Variants in ABI3 observed in about 807,000 individuals in gnomAD.
The protein encoded by ABI3 is ABI family member 3, also known as ABI gene family member 3.
A neutral mutation model predicts 37.0 loss-of-function variants in ABI3; 24 were observed. The observed-to-expected ratio is 0.65, with a 90% confidence interval of 0.47 to 0.91. The LOEUF is 0.91. Among genes scored for constraint, ABI3 ranks in the 40% least tolerant of loss-of-function variants. The pLI is 0.00. For missense variants in ABI3, 481 were observed against 485.1 expected (o/e 0.99, Z 0.08); for synonymous variants, 220 against 211.8 (o/e 1.04, Z -0.34).
At position 49,219,752 on chromosome 17, in the gene ABI3, C is replaced by A. The variant is rs932885669; in HGVS notation, c.549-106C>A. 2.1e-6 allele frequency: 3 copies of A among 1,413,790 alleles called. No homozygotes were observed. The highest frequency in any genetic ancestry group is 1.4e-5 in the African/African-American group (1 of 70,448). 87.6% of individuals were successfully genotyped at this position (1,413,790 alleles called of 1,614,324 possible). ...TCAGGCCGTCATGCTGGATGCCTGG[C>A]GCCAAACCTCCCCCTCGGCCACCTG... On this transcript the variant is annotated intron_variant, in intron 4 of 7. Coordinates refer to ENST00000225941, the MANE Select transcript of ABI3 (RefSeq NM_016428.3). This position sits in a 1 kb window ranked among gnomAD's most constrained non-coding sequence, Gnocchi z 4.3.
At chr17:49,220,434 C>T (rs767346390) in intron 6 of ABI3, 108 bp downstream of exon 6, 27 of 1,400,620 alleles carry the variant, frequency 1.9e-5, no homozygotes, top group Middle Eastern at 2.5e-4. Flanking sequence ...CAGTGAATGC[C>T]TCCTCCAAGG....
intron 1 of ABI3, among the ~76,000 whole-genome samples, chr17:49,212,639 C>A (rs975427362): frequency 6.6e-6 from 1 of 152,148 alleles, no homozygotes; most frequent in Admixed American, 6.5e-5. Flanking sequence ...TGAGGCGAGT[C>A]CCATGCCCAC....
At chr17:49,211,949 C>CT (rs35385458) in intron 1 of ABI3, among the ~76,000 whole-genome samples, 64,350 of 143,618 alleles carry the variant, frequency 0.45, 15,107 homozygotes, top group East Asian at 0.68. Context: ...CCCAGCCAGC[C>CT]TTTTTTTTTT....
intron 1 of ABI3, among the ~76,000 whole-genome samples, 168 bp from the exon 2 acceptor site, chr17:49,216,363 G>A (rs376966834): frequency 6.6e-6 from 1 of 152,058 alleles, no homozygotes. Context: ...GTTGTAGCAA[G>A]TTCCTCTTGC....
chr17:49,215,474 C>A (rs2043209760), intron 1 of ABI3, among the ~76,000 whole-genome samples: 1 of 149,518 alleles, frequency 6.7e-6, no homozygotes, highest in Non-Finnish European at 1.5e-5. Flanking sequence ...CAGACTGGAG[C>A]TAAACAGTCA....
At chr17:49,220,573 GGTGGCTCACCCCT>G (rs1252849598) in intron 6 of ABI3, among the ~76,000 whole-genome samples, 4 of 152,158 alleles carry the variant, frequency 2.6e-5, no homozygotes, top group Non-Finnish European at 4.4e-5. Context: ...GGCCGGGCGC[GGTGGCTCACCCCT>G]GTAATCCCAG....
In ABI3 at chr17:49,219,613, C is replaced by T. The variant is rs1357338474; in HGVS notation, c.536C>T (p.Ser179Phe). 6.2e-7 allele frequency: 1 copy of T among 1,605,896 alleles called. No individual in the cohort carries two copies. Residue 179 changes from serine (S) to phenylalanine (F), a missense_variant, in exon 4 of 8, where the codon TCC becomes TTC. Transcript: ENST00000225941. The surrounding 1 kb of genome is among the most constrained non-coding windows in gnomAD (Gnocchi z 4.3). ...ATCAAGGCCCCTGCCACACCCGCCT[C>T]CGCCACCTTGGGGTGAGGCCTCGCC... Reference protein sequence around the residue: ...KSIKAPATPASATLGRPPRIP... With the variant: ...KSIKAPATPAFATLGRPPRIP...
At chr17:49,220,416 G>C in intron 6 of ABI3, 90 bp downstream of exon 6, 1 of 1,466,796 alleles carries the variant, frequency 6.8e-7, no homozygotes, top group Non-Finnish European at 9.1e-7. Flanking sequence ...ATCTGCCCCG[G>C]CCAGCCTCAG....
rs553060450 is a variant in ABI3 at position 49,216,633 on chromosome 17, C to T, written c.220C>T (p.Arg74Cys). The T allele has an allele frequency of 1.6e-5, 26 of 1,611,466 alleles. No individual in the cohort carries two copies. Among genetic ancestry groups the T allele is most frequent in the South Asian group, 6.6e-5 (6 of 90,572 alleles). ...GGGCAACCTGGCCGGGCACACTCTG[C>T]GCATGTTGGACCTGCAGGGGGCCGC... The part of the protein sequence containing the change: ...QVGNLAGHTL[R>C]MLDLQGAALR... Residue 74 changes from arginine (R) to cysteine (C), a missense_variant, in exon 2 of 8, where the codon CGC becomes TGC. Arg to Cys is a radical substitution (Grantham distance 180). Transcript: ENST00000225941.
In ABI3 at chr17:49,222,550, A is replaced by C; in HGVS notation, c.938-2A>C. 6.2e-7 allele frequency: 1 copy of C among 1,613,702 alleles called. No homozygotes were observed. The highest frequency in any genetic ancestry group is 8.5e-7 in the Non-Finnish European group (1 of 1,179,886). On this transcript the variant is annotated splice_acceptor_variant, in intron 7 of 7. Coordinates refer to ENST00000225941, the MANE Select transcript of ABI3 (RefSeq NM_016428.3). LOFTEE classifies it high-confidence loss of function. ...ACGGCACCCTCTTCTCTTGCCCTGCAGTGGTGACACTGTACCCATACACCA... is the reference window on the plus strand; with the variant it reads ...ACGGCACCCTCTTCTCTTGCCCTGCCGTGGTGACACTGTACCCATACACCA...
At chr17:49,222,508 G>A (rs370947412) in intron 7 of ABI3, 44 bp from the exon 8 acceptor site, 2 of 1,601,994 alleles carry the variant, frequency 1.2e-6, no homozygotes, top group Non-Finnish European at 1.7e-6. Flanking sequence ...GGGGGAGAGG[G>A]CAAGAGGCAT....
At chr17:49,220,010 G>A (rs2043265406) in intron 5 of ABI3, 57 bp downstream of exon 5, 2 of 1,528,314 alleles carry the variant, frequency 1.3e-6, no homozygotes, top group Middle Eastern at 1.8e-4. Context: ...TTTTGAGAGG[G>A]GCCACCTGCC....
At chr17:49,217,166 C>T (rs761112640) in intron 2 of ABI3, among the ~76,000 whole-genome samples, 17 of 152,052 alleles carry the variant, frequency 1.1e-4, no homozygotes, top group South Asian at 4.2e-4. Flanking sequence ...GATCCTTGAC[C>T]GAGGAATTGC....
At position 49,222,167 on chromosome 17, in the gene ABI3, C is replaced by G; in HGVS notation, c.879C>G (p.Pro293=). Residue 293 remains proline, a synonymous_variant, in exon 7 of 8, where the codon CCC becomes CCG. Coordinates refer to ENST00000225941, the MANE Select transcript of ABI3 (RefSeq NM_016428.3). ...GAGATGAATTGGGGCTGCCTCCACC[C>G]CCACCAGGATTTGGGCCTGATGAGC... ...LDGDELGLPP[P]PPGFGPDEPS... 2 of 1,613,888 alleles carry G rather than the reference C, an allele frequency of 1.2e-6. No individual in the cohort carries two copies. Among genetic ancestry groups the G allele is most frequent in the Non-Finnish European group, 1.7e-6 (2 of 1,179,888 alleles).
At chr17:49,211,708 G>C (rs1268939943) in intron 1 of ABI3, among the ~76,000 whole-genome samples, 2 of 152,028 alleles carry the variant, frequency 1.3e-5, no homozygotes, top group Non-Finnish European at 2.9e-5. Context: ...GCAATGGCTC[G>C]ATCTTGGCTC....
chr17:49,220,176 G>A lies in ABI3; in HGVS notation c.652G>A (p.Glu218Lys), dbSNP rs559234442. 2 of 1,611,982 alleles carry A rather than the reference G, an allele frequency of 1.2e-6. No individual in the cohort carries two copies. Among genetic ancestry groups the A allele is most frequent in the East Asian group, 2.2e-5 (1 of 44,872 alleles). The stretch of plus-strand genomic sequence containing the variant: ...GGGCTCTCTGGTGTTCAGCAGCGCC[G>A]AAGGTGTCGGTGGGGCCCCCACGCC... Reference protein sequence around the residue: ...AFSLASAGSAEGVGGAPTPKG... With the variant: ...AFSLASAGSAKGVGGAPTPKG... The change falls in exon 6 of 8, where the codon GAA (glutamate) becomes AAA (lysine). Residue 218 changes from glutamate to lysine, a missense_variant. Physicochemically the swap from Glu to Lys is moderately conservative, Grantham distance 56 (BLOSUM62 1). Transcript: ENST00000225941.
intron 1 of ABI3, among the ~76,000 whole-genome samples, chr17:49,212,792 G>A (rs1330480775): frequency 6.6e-6 from 1 of 152,174 alleles, no homozygotes; most frequent in Non-Finnish European, 1.5e-5. Flanking sequence ...GCTACTCTGG[G>A]TATCATTTCG....
chr17:49,217,856 C>A lies in ABI3; in HGVS notation c.403C>A (p.Pro135Thr), dbSNP rs2043238425. Residue 135 changes from proline to threonine, a missense_variant, in exon 3 of 8, where the codon CCC (proline) becomes ACC (threonine). Physicochemically the swap from Pro to Thr is conservative, Grantham distance 38. Coordinates refer to ENST00000225941, the MANE Select transcript of ABI3 (RefSeq NM_016428.3). Reference protein sequence around the residue: ...IAPENLPPLTPYCRRPLNFGC... With the variant: ...IAPENLPPLTTYCRRPLNFGC... ...CCCAGAGAACCTACCCCCTCTCACG[C>A]CCTACTGCAGGAGACCCCTCAACTT... 1.9e-6 allele frequency: 3 copies of A among 1,603,102 alleles called. No individual in the cohort carries two copies. The highest frequency in any genetic ancestry group is 2.6e-6 in the Non-Finnish European group (3 of 1,175,428).
intron 3 of ABI3, among the ~76,000 whole-genome samples, chr17:49,218,424 C>T (rs1343033974): frequency 6.6e-6 from 1 of 152,150 alleles, no homozygotes; most frequent in Non-Finnish European, 1.5e-5. Flanking sequence ...TCTGCGAGGT[C>T]AGAAAGGGCA....
Sources: gnomAD v4.1 joint callset for allele counts (sites outside exome capture counted in the v4.1 genomes callset) on GRCh38, gnomAD v4.1.1 for gene constraint, Gnocchi (gnomAD v3.1) non-coding constraint, MANE v1.5 for transcripts, NCBI Gene and HGNC (gene_info 2026-07-23, HGNC 2026-07-21) for gene names.